The following INIP variants were observed in gnomAD, a reference collection of about 807,000 sequenced individuals.
INIP encodes the protein INTS3 and NABP interacting protein.
In INIP, 9 loss-of-function variants were observed where a neutral mutation model predicts 14.0. The observed-to-expected ratio is 0.64, with a 90% CI of 0.39 to 1.12. INIP has a LOEUF of 1.12. Ranked by LOEUF, INIP falls within the 50% of genes most tolerant of loss-of-function variation. The pLI is 0.01. For missense variants in INIP, 78 were observed against 122.7 expected, an observed-to-expected ratio of 0.64 and a Z score of 1.72; for synonymous variants, 37 against 41.5, an observed-to-expected ratio of 0.89 and a Z score of 0.41.
chr9:112,695,804 G>A (rs1005527093), intron 2 of INIP, among the ~76,000 whole-genome samples: 1 of 149,738 alleles, frequency 6.7e-6, no homozygotes, highest in Non-Finnish European at 1.5e-5. Flanking sequence ...GGGAGGAGGA[G>A]GAGGAGAAGA....
At chr9:112,697,652 TA>T (rs531723439) in intron 2 of INIP, among the ~76,000 whole-genome samples, 306 of 152,328 alleles carry the variant, frequency 2.0e-3, no homozygotes, top group Admixed American at 3.7e-3. Context: ...CAGGAAATTA[TA>T]AGAGTTTTAG....
intron 2 of INIP, among the ~76,000 whole-genome samples, chr9:112,715,560 G>A (rs1838784362): frequency 1.3e-5 from 2 of 152,018 alleles, no homozygotes; most frequent in South Asian, 4.1e-4. Context: ...GATCACCTGA[G>A]GTCAGGAGTT....
At chr9:112,711,494 C>T (rs1838646438) in intron 2 of INIP, among the ~76,000 whole-genome samples, 1 of 152,214 alleles carries the variant, frequency 6.6e-6, no homozygotes, top group South Asian at 2.1e-4. Context: ...TTGTAAATCT[C>T]TGTGCGAATA....
At position 112,687,394 on chromosome 9, in the gene INIP, T is replaced by C; in HGVS notation, c.*144A>G. On this transcript the variant is annotated 3_prime_UTR_variant, in exon 5 of 5. Transcript: ENST00000374242. Reference sequence around the variant, plus strand: ...ATCCTGGTTATTCTTCTTTCAGCTTTCACTTACACATTCCTTTCTTTCAGA... The same window carrying C: ...ATCCTGGTTATTCTTCTTTCAGCTTCCACTTACACATTCCTTTCTTTCAGA... The C allele has an allele frequency of 1.8e-6, 1 of 561,568 alleles. No individual in the cohort carries two copies. The allele number at this position is 561,568 out of a possible 1,614,324, so 34.8% of individuals were successfully genotyped here.
At chr9:112,702,176 A>C (rs904645086) in intron 2 of INIP, among the ~76,000 whole-genome samples, 15 of 152,222 alleles carry the variant, frequency 9.9e-5, no homozygotes, top group Non-Finnish European at 5.9e-5. Flanking sequence ...CACATTGGAA[A>C]ATCCTGATCT....
intron 2 of INIP, among the ~76,000 whole-genome samples, chr9:112,702,823 A>G (rs1055781506): frequency 6.6e-6 from 1 of 152,196 alleles, no homozygotes; most frequent in Non-Finnish European, 1.5e-5. Context: ...TCAGCCTCCC[A>G]AAGTGCTGGG....
rs770521210 is a variant in INIP, at chr9:112,694,235, T to TA, written c.26-3dup. ...CAACTCTATTTTTGTTTTGAAAACC[T>TA]AAAAAAAAGAGGGGAATAGGAGAAA... On this transcript the variant is annotated splice_polypyrimidine_tract_variant and splice_region_variant and intron_variant, in intron 2 of 4. Coordinates refer to ENST00000374242, the MANE Select transcript of INIP (RefSeq NM_021218.3). 211 of 1,554,756 alleles carry TA rather than the reference T, an allele frequency of 1.4e-4. No homozygotes were observed. Among genetic ancestry groups the TA allele is most frequent in the South Asian group, 7.6e-4 (67 of 87,704 alleles).
chr9:112,704,031 TTAAGTA>T (rs1450197509), intron 2 of INIP, among the ~76,000 whole-genome samples: 1 of 152,242 alleles, frequency 6.6e-6, no homozygotes, highest in Non-Finnish European at 1.5e-5. Context: ...GTTTCTCCTG[TTAAGTA>T]TATGTCTATT....
At chr9:112,716,684 C>G (rs1363273403) in intron 1 of INIP, 143 bp from the exon 2 acceptor site, 1 of 325,460 alleles carries the variant, frequency 3.1e-6, no homozygotes, top group African/African-American at 2.2e-5. Flanking sequence ...CGGTGGCTCA[C>G]GCCTGTAATC....
At position 112,695,820 on chromosome 9, in the gene INIP, GAGAAGAAGAAGGAGAAGAAGGAGA is replaced by G. The variant is rs1302444414; in HGVS notation, c.26-1611_26-1588del. On this transcript the variant is annotated intron_variant, in intron 2 of 4. Coordinates refer to ENST00000374242, the MANE Select transcript of INIP (RefSeq NM_021218.3). The stretch of plus-strand genomic sequence containing the variant: ...GGAGGAGGAGGAGGAGAAGAAGAAG[GAGAAGAAGAAGGAGAAGAAGGAGA>G]AGAAGAAGGAGAAGAAGAAGGAGAA... Among the ~76,000 whole-genome samples, 475 of 144,168 alleles carry G rather than the reference GAGAAGAAGAAGGAGAAGAAGGAGA, an allele frequency of 3.3e-3. 4 individuals carry two copies. Among genetic ancestry groups the G allele is most frequent in the African/African-American group, 1.0e-2 (398 of 39,994 alleles). 94.6% of individuals were successfully genotyped at this position (144,168 alleles called of 152,430 possible). A position where few individuals can be genotyped will look rare whatever the true frequency, so the allele number is the denominator to read the frequency against.
chr9:112,702,756 A>T (rs951505287), intron 2 of INIP, among the ~76,000 whole-genome samples: 1 of 152,002 alleles, frequency 6.6e-6, no homozygotes, highest in Non-Finnish European at 1.5e-5. Context: ...ATAGAAACGG[A>T]GTTTCAACAT....
intron 2 of INIP, among the ~76,000 whole-genome samples, chr9:112,704,909 A>C (rs1838409241): frequency 6.6e-6 from 1 of 152,146 alleles, no homozygotes; most frequent in South Asian, 2.1e-4. Context: ...CAGGAATTCA[A>C]GACCAGCCTG....
intron 4 of INIP, 56 bp from the exon 5 acceptor site, chr9:112,687,689 T>C: frequency 1.0e-6 from 1 of 997,266 alleles, no homozygotes; most frequent in Non-Finnish European, 1.5e-6. Flanking sequence ...GTCACAATTC[T>C]TCGACCAAGG....
intron 1 of INIP, 128 bp from the exon 2 acceptor site, chr9:112,716,669 G>C (rs976578124): frequency 1.0e-5 from 4 of 400,054 alleles, no homozygotes; most frequent in Non-Finnish European, 1.4e-5. Context: ...CATTTGTGCC[G>C]GGCGCGGTGG....
At chr9:112,699,172 T>C (rs1838200463) in intron 2 of INIP, among the ~76,000 whole-genome samples, 3 of 151,842 alleles carry the variant, frequency 2.0e-5, no homozygotes, top group Admixed American at 2.0e-4. Flanking sequence ...AATTTTTTTT[T>C]TCCAGTTAGG....
chr9:112,702,970 A>T (rs575054099), intron 2 of INIP, among the ~76,000 whole-genome samples: 1 of 148,788 alleles, frequency 6.7e-6, no homozygotes, highest in Non-Finnish European at 1.5e-5. Context: ...GTTTGTATGA[A>T]TTTTTTTTTT....
At chr9:112,700,928 G>A (rs964720134) in intron 2 of INIP, among the ~76,000 whole-genome samples, 24 of 151,894 alleles carry the variant, frequency 1.6e-4, no homozygotes, top group Admixed American at 1.4e-3. Flanking sequence ...TCCAACCTGC[G>A]CAAAAGAGAG....
At chr9:112,716,418 AT>A (rs1415964830) in intron 2 of INIP, 42 bp downstream of exon 2, 9 of 1,559,490 alleles carry the variant, frequency 5.8e-6, no homozygotes, top group Non-Finnish European at 8.0e-6. Context: ...CATTTACTAT[AT>A]TGGGGAAATG....
chr9:112,693,240 G>A (rs997597079), intron 3 of INIP, among the ~76,000 whole-genome samples: 9 of 152,002 alleles, frequency 5.9e-5, no homozygotes, highest in Middle Eastern at 3.4e-3. Context: ...CAGTTAATAG[G>A]GTTGCTTAAA....
Sources: gnomAD v4.1 joint callset for allele counts (sites outside exome capture counted in the v4.1 genomes callset) on GRCh38, gnomAD v4.1.1 for gene constraint, MANE v1.5 for transcripts, NCBI Gene and HGNC (gene_info 2026-07-23, HGNC 2026-07-21) for gene names.